HDAC9: variants seen among roughly 807,000 people sequenced by gnomAD.
The protein encoded by HDAC9 is MEF-2 interacting transcription repressor (MITR) protein.
HDAC9 carries 41 observed loss-of-function variants against 139.4 expected under a neutral mutation model. The observed-to-expected ratio is 0.29, with a 90% confidence interval of 0.23 to 0.38. The LOEUF (loss-of-function observed/expected upper bound fraction) is 0.38. Among genes scored for constraint, HDAC9 ranks in the 10% least tolerant of loss-of-function variants. HDAC9 has a pLI of 1.00. For synonymous variants in HDAC9, 517 were observed against 476.2 expected (o/e 1.09, Z -1.12); for missense variants, 1,147 against 1,297.0 (o/e 0.88, Z 1.78).
chr7:18,386,669 G>C (rs1011146171), intron 1 of HDAC9, among the ~76,000 whole-genome samples: 3 of 152,150 alleles, frequency 2.0e-5, no homozygotes, highest in African/African-American at 7.2e-5. Context: ...AGCCTAGTTA[G>C]AGTAATCAAA....
chr7:18,527,664 T>C (rs1306808690), intron 2 of HDAC9, among the ~76,000 whole-genome samples: 2 of 152,182 alleles, frequency 1.3e-5, no homozygotes, highest in Non-Finnish European at 2.9e-5. Flanking sequence ...AGAGGATGTT[T>C]GATCAAATTA....
chr7:18,646,122 A>G (rs781054763), intron 9 of HDAC9, among the ~76,000 whole-genome samples: 6 of 152,196 alleles, frequency 3.9e-5, no homozygotes, highest in Non-Finnish European at 7.3e-5. Flanking sequence ...TTTTACAGTT[A>G]TCACTAATTA....
chr7:18,343,670 C>T (rs1782185131), intron 1 of HDAC9, among the ~76,000 whole-genome samples: 1 of 151,742 alleles, frequency 6.6e-6, no homozygotes, highest in Non-Finnish European at 1.5e-5. Flanking sequence ...TAAATTTCTA[C>T]CTTGGATCTA....
chr7:18,829,111 C>T (rs1462205258), intron 17 of HDAC9, 50 bp from the exon 18 acceptor site: 33 of 1,330,514 alleles, frequency 2.5e-5, no homozygotes, highest in Non-Finnish European at 3.4e-5. Context: ...AATCCCTCTC[C>T]TACCCTCTCC....
intron 25 of HDAC9, among the ~76,000 whole-genome samples, chr7:18,985,797 G>T (rs1198695714): frequency 7.2e-6 from 1 of 138,074 alleles, no homozygotes; most frequent in Admixed American, 6.9e-5. Flanking sequence ...TTGTGGTTTT[G>T]ATTTGCATTT....
chr7:18,620,594 A>G (rs1391644420), intron 6 of HDAC9, among the ~76,000 whole-genome samples: 1 of 151,630 alleles, frequency 6.6e-6, no homozygotes, highest in African/African-American at 2.4e-5. Context: ...GTAAACTTTT[A>G]CTGAGTTTCA....
intron 17 of HDAC9, among the ~76,000 whole-genome samples, chr7:18,827,577 A>G (rs1795548517): frequency 6.6e-6 from 1 of 152,194 alleles, no homozygotes; most frequent in Non-Finnish European, 1.5e-5. Flanking sequence ...AGCTATGTTC[A>G]TTTAATTACT....
At chr7:18,225,105 G>T (rs866944579) in intron 2 of HDAC9, among the ~76,000 whole-genome samples, 3 of 152,038 alleles carry the variant, frequency 2.0e-5, no homozygotes. Flanking sequence ...TCTTTAGCAG[G>T]CTCTTTCAGT....
chr7:18,117,302 C>T (rs1181487132), intron 1 of HDAC9, among the ~76,000 whole-genome samples: 6 of 151,796 alleles, frequency 4.0e-5, no homozygotes, highest in African/African-American at 1.2e-4. Context: ...CTGGCTAACA[C>T]GGTGAAACCC....
chr7:18,519,984 T>C (rs1233338527), intron 2 of HDAC9, among the ~76,000 whole-genome samples: 1 of 152,142 alleles, frequency 6.6e-6, no homozygotes, highest in East Asian at 1.9e-4. Context: ...ACAGTACATA[T>C]AGCATAGTAA....
intron 1 of HDAC9, among the ~76,000 whole-genome samples, chr7:18,158,582 CT>C (rs528217964): frequency 1.1e-3 from 162 of 152,324 alleles, no homozygotes; most frequent in African/African-American, 3.7e-3. Context: ...CCCTGAACCT[CT>C]TTACACCTCA....
At chr7:18,520,279 G>T (rs931113996) in intron 2 of HDAC9, among the ~76,000 whole-genome samples, 4 of 152,046 alleles carry the variant, frequency 2.6e-5, no homozygotes, top group African/African-American at 9.7e-5. Flanking sequence ...ACCACCTCTT[G>T]CAGGTAACTT....
chr7:18,829,386 T>C, intron 18 of HDAC9, 75 bp from the exon 19 acceptor site: 1 of 1,249,956 alleles, frequency 8.0e-7, no homozygotes, highest in Non-Finnish European at 1.2e-6. Flanking sequence ...TTTAAAAAAA[T>C]GCTCTGAACA....
At chr7:18,938,318 G>A (rs1043112006) in intron 23 of HDAC9, among the ~76,000 whole-genome samples, 3 of 151,340 alleles carry the variant, frequency 2.0e-5, no homozygotes, top group Admixed American at 6.6e-5. Flanking sequence ...CTCGCTGGCC[G>A]GGCGCGGTGT....
At chr7:18,878,707 C>T (rs1799505316) in intron 22 of HDAC9, among the ~76,000 whole-genome samples, 1 of 151,512 alleles carries the variant, frequency 6.6e-6, no homozygotes, top group Admixed American at 6.6e-5. Context: ...CAACATTATA[C>T]TGAATGGGCA....
chr7:18,847,374 A>T (rs1652672041), intron 21 of HDAC9, among the ~76,000 whole-genome samples: 1 of 151,976 alleles, frequency 6.6e-6, no homozygotes, highest in Non-Finnish European at 1.5e-5. Flanking sequence ...TTTTAGAGAG[A>T]ACGTTTATTT....
intron 25 of HDAC9, among the ~76,000 whole-genome samples, chr7:18,988,584 T>C (rs1300044762): frequency 6.6e-6 from 1 of 152,178 alleles, no homozygotes; most frequent in Non-Finnish European, 1.5e-5. Context: ...CAGGTCCGCT[T>C]GGTGCAGAGC....
intron 2 of HDAC9, among the ~76,000 whole-genome samples, chr7:18,576,121 A>G (rs968439791): frequency 6.6e-6 from 1 of 152,192 alleles, no homozygotes; most frequent in Non-Finnish European, 1.5e-5. Flanking sequence ...GAGAACACAT[A>G]TGGAAAATCT....
intron 1 of HDAC9, among the ~76,000 whole-genome samples, chr7:18,302,365 A>C (rs1171505272): frequency 1.3e-5 from 2 of 152,194 alleles, no homozygotes; most frequent in Non-Finnish European, 2.9e-5. Context: ...CGAAGTATGC[A>C]ATGTTATCCT....
Sources: allele counts gnomAD v4.1 joint callset (sites outside exome capture counted in the v4.1 genomes callset), GRCh38; gene constraint gnomAD v4.1.1; transcripts MANE v1.5; gene names NCBI Gene and HGNC (gene_info 2026-07-23, HGNC 2026-07-21).